CNTNAP2: variants seen among roughly 807,000 people sequenced by gnomAD.
CNTNAP2 encodes the protein contactin-associated protein-like 2.
CNTNAP2 carries 98 observed loss-of-function variants against 155.2 expected under a neutral mutation model. The observed-to-expected ratio is 0.63, with a 90% CI of 0.54 to 0.75. The LOEUF (loss-of-function observed/expected upper bound fraction) is 0.75, where lower values mean the gene tolerates loss of function less well. Ranked by LOEUF, CNTNAP2 falls within the 30% of genes least tolerant of loss-of-function variation. The pLI is 0.00. For synonymous variants in CNTNAP2, 651 were observed against 631.2 expected (o/e 1.03, Z -0.47); for missense variants, 1,727 against 1,688.1 (o/e 1.02, Z -0.40).
At chr7:146,936,718 A>T (rs1796922730) in intron 3 of CNTNAP2, among the ~76,000 whole-genome samples, 1 of 152,202 alleles carries the variant, frequency 6.6e-6, no homozygotes, top group Non-Finnish European at 1.5e-5. Flanking sequence ...CCATACTTCA[A>T]CCAGTCATAG....
At chr7:146,602,229 A>G (rs1191766912) in intron 1 of CNTNAP2, among the ~76,000 whole-genome samples, 1 of 152,178 alleles carries the variant, frequency 6.6e-6, no homozygotes, top group Non-Finnish European at 1.5e-5. Flanking sequence ...AAATGTGGCT[A>G]TGATCTTAAG....
At chr7:148,060,901 C>A (rs1803116248) in intron 15 of CNTNAP2, among the ~76,000 whole-genome samples, 1 of 151,946 alleles carries the variant, frequency 6.6e-6, no homozygotes, top group African/African-American at 2.4e-5. Context: ...AAAGTAACAG[C>A]AAGTGAAATA....
At chr7:146,231,863 T>A (rs1471628027) in intron 1 of CNTNAP2, among the ~76,000 whole-genome samples, 1 of 152,184 alleles carries the variant, frequency 6.6e-6, no homozygotes. Flanking sequence ...TTTCTATACT[T>A]CTCTTGTCCA....
intron 1 of CNTNAP2, among the ~76,000 whole-genome samples, chr7:146,378,459 T>C (rs1795335725): frequency 6.6e-6 from 1 of 152,162 alleles, no homozygotes; most frequent in African/African-American, 2.4e-5. Flanking sequence ...GCTCTTTGCT[T>C]GGAGCTATTT....
intron 8 of CNTNAP2, among the ~76,000 whole-genome samples, chr7:147,213,728 ACC>A (rs1185590343): frequency 6.6e-6 from 1 of 151,974 alleles, no homozygotes; most frequent in African/African-American, 2.4e-5. Context: ...CAGGCTGGAA[ACC>A]CTGAGATGCT....
chr7:146,330,016 T>C (rs898187148), intron 1 of CNTNAP2, among the ~76,000 whole-genome samples: 109 of 130,456 alleles, frequency 8.4e-4, no homozygotes, highest in Non-Finnish European at 1.4e-3. Context: ...TACTTTCTTT[T>C]TTTTTTTTTT....
At chr7:147,040,705 C>T (rs10260544) in intron 3 of CNTNAP2, among the ~76,000 whole-genome samples, 10 of 151,802 alleles carry the variant, frequency 6.6e-5, no homozygotes, top group African/African-American at 2.2e-4. Context: ...AAGCGATCAG[C>T]CCACCTTGGT....
intron 13 of CNTNAP2, among the ~76,000 whole-genome samples, chr7:147,863,864 C>A (rs1300017260): frequency 6.6e-6 from 1 of 151,860 alleles, no homozygotes; most frequent in African/African-American, 2.4e-5. Flanking sequence ...AAATTTTCTC[C>A]CATTCTGTAG....
chr7:147,378,404 A>G (rs1796477428), intron 9 of CNTNAP2, among the ~76,000 whole-genome samples: 1 of 152,088 alleles, frequency 6.6e-6, no homozygotes, highest in South Asian at 2.1e-4. Context: ...TCGTATACAC[A>G]ACAGAGTACT....
chr7:146,502,682 G>T (rs62503559), intron 1 of CNTNAP2, among the ~76,000 whole-genome samples: 30,839 of 151,994 alleles, frequency 0.2, 3,774 homozygotes, highest in East Asian at 0.43. Context: ...CGCAATCTAG[G>T]CTTACTGCAA....
At chr7:146,875,934 C>CAAAAAAAAAAAAAAAAAAAAAAA (rs56304234) in intron 3 of CNTNAP2, among the ~76,000 whole-genome samples, 3 of 55,130 alleles carry the variant, frequency 5.4e-5, no homozygotes, top group Non-Finnish European at 6.7e-5. Flanking sequence ...ACATACACAG[C>CAAAAAAAAAAAAAAAAAAAAAAA]AAAAAAAAAA....
At chr7:147,141,084 C>T (rs541655580) in intron 8 of CNTNAP2, among the ~76,000 whole-genome samples, 4 of 152,268 alleles carry the variant, frequency 2.6e-5, no homozygotes, top group East Asian at 3.9e-4. Context: ...CCAATAACCT[C>T]GTAAGTTAGG....
intron 1 of CNTNAP2, among the ~76,000 whole-genome samples, chr7:146,648,304 T>G (rs1351503996): frequency 6.6e-6 from 1 of 152,158 alleles, no homozygotes; most frequent in Non-Finnish European, 1.5e-5. Context: ...AAAACATGAA[T>G]ATTTTCCCCA....
At chr7:146,170,426 A>T (rs1269107684) in intron 1 of CNTNAP2, among the ~76,000 whole-genome samples, 1 of 152,042 alleles carries the variant, frequency 6.6e-6, no homozygotes, top group Non-Finnish European at 1.5e-5. Flanking sequence ...TTTTCTTCAC[A>T]TGCTTGCCAA....
At chr7:147,129,371 G>T (rs1187279469) in intron 7 of CNTNAP2, among the ~76,000 whole-genome samples, 1 of 152,170 alleles carries the variant, frequency 6.6e-6, no homozygotes, top group Non-Finnish European at 1.5e-5. Flanking sequence ...CATAGCCAAA[G>T]CTGTGCCACA....
intron 1 of CNTNAP2, among the ~76,000 whole-genome samples, chr7:146,337,134 C>A (rs998659059): frequency 6.6e-6 from 1 of 151,974 alleles, no homozygotes; most frequent in African/African-American, 2.4e-5. Context: ...GTACCCAGGA[C>A]CCCCCTGTCT....
At chr7:147,491,234 C>G (rs986176367) in intron 11 of CNTNAP2, among the ~76,000 whole-genome samples, 1 of 152,138 alleles carries the variant, frequency 6.6e-6, no homozygotes, top group Non-Finnish European at 1.5e-5. Flanking sequence ...ACATCTCCTC[C>G]CATTCTCCCC....
intron 13 of CNTNAP2, among the ~76,000 whole-genome samples, chr7:147,659,005 C>T (rs1484688665): frequency 6.6e-6 from 1 of 152,122 alleles, no homozygotes; most frequent in African/African-American, 2.4e-5. Context: ...CCAGCACTGA[C>T]GATGTAAGAC....
At chr7:147,047,738 T>C (rs559839462) in intron 4 of CNTNAP2, among the ~76,000 whole-genome samples, 1 of 151,174 alleles carries the variant, frequency 6.6e-6, no homozygotes, top group South Asian at 2.1e-4. Context: ...GTTTGTGCTG[T>C]CATGGGCTTT....
Sources: gnomAD v4.1 joint callset for allele counts (sites outside exome capture counted in the v4.1 genomes callset) on GRCh38, gnomAD v4.1.1 for gene constraint, MANE v1.5 for transcripts, NCBI Gene and HGNC (gene_info 2026-07-23, HGNC 2026-07-21) for gene names.